Variants in ADGRA1 observed in about 807,000 individuals in gnomAD.
The protein encoded by ADGRA1 is adhesion G protein-coupled receptor A1.
Under a neutral mutation model 21.3 loss-of-function variants are expected in ADGRA1, and 12 were observed. The ratio of observed to expected loss-of-function variants is 0.56; its 90% CI spans 0.36 to 0.91. The LOEUF is 0.91. Ranked by LOEUF, ADGRA1 falls within the 40% of genes least tolerant of loss-of-function variation. The pLI is 0.01. For missense variants in ADGRA1, 790 were observed against 805.6 expected, an observed-to-expected ratio of 0.98 and a Z score of 0.23; for synonymous variants, 385 against 368.8, an observed-to-expected ratio of 1.04 and a Z score of -0.50.
intron 5 of ADGRA1, among the ~76,000 whole-genome samples, chr10:133,110,898 C>T (rs935318421): frequency 6.6e-6 from 1 of 152,186 alleles, no homozygotes; most frequent in Non-Finnish European, 1.5e-5. Flanking sequence ...GCCCTGGACA[C>T]AGGTGCTGCT....
At chr10:133,126,572 C>G (rs889794977) in intron 5 of ADGRA1, among the ~76,000 whole-genome samples, 2 of 152,180 alleles carry the variant, frequency 1.3e-5, no homozygotes, top group Non-Finnish European at 2.9e-5. Flanking sequence ...AGGCGGTGAG[C>G]AAGTGCACCC....
intron 2 of ADGRA1, among the ~76,000 whole-genome samples, chr10:133,091,800 T>C (rs1192109521): frequency 6.6e-6 from 1 of 152,010 alleles, no homozygotes; most frequent in East Asian, 1.9e-4. Context: ...AAGGACAGAG[T>C]GCCTTCGAAA....
intron 5 of ADGRA1, among the ~76,000 whole-genome samples, chr10:133,113,703 G>A (rs1251585095): frequency 2.3e-5 from 3 of 131,308 alleles, no homozygotes; most frequent in East Asian, 2.7e-4. Context: ...GCGACCTGGC[G>A]CCTGCCACTT....
chr10:133,128,349 C>T lies in ADGRA1; in HGVS notation c.521C>T (p.Pro174Leu), dbSNP rs1236966748. 6.4e-7 allele frequency: 1 copy of T among 1,555,704 alleles called. No homozygotes were observed. The highest frequency in any genetic ancestry group is 1.2e-5 in the South Asian group (1 of 82,324). ...DTAYCWMAWE[P>L]SLGAFYGPAA... The stretch of plus-strand genomic sequence containing the variant: ...CACAGCTGCTGGATGGCCTGGGAGC[C>T]CAGCCTGGGCGCCTTCTACGGCCCA... The change falls in exon 7 of 7, where the codon CCC becomes CTC. Residue 174 changes from proline (P) to leucine (L), a missense_variant. Pro to Leu is a moderately conservative substitution (Grantham distance 98). This residue lies in a region of ADGRA1 where 382 missense variants were observed against 415.6 expected (regional missense o/e 0.92). Transcript: ENST00000392607.
Position 133,129,623 on chromosome 10 carries a change from TTCACACCCCTGCCCCTTCCTTGTGA to T in ADGRA1, c.*188_*212del, listed in dbSNP as rs398015133. 4,218 of 725,000 alleles carry T rather than the reference TTCACACCCCTGCCCCTTCCTTGTGA, an allele frequency of 5.8e-3. 91 individuals carry two copies. Among genetic ancestry groups the T allele is most frequent in the East Asian group, 0.02 (726 of 36,662 alleles). 44.9% of individuals were successfully genotyped at this position (725,000 alleles called of 1,614,324 possible). A position where few individuals can be genotyped will look rare whatever the true frequency, so the allele number is the denominator to read the frequency against. Reference sequence around the variant, plus strand: ...AAGTGACCCCGCCTTTCAGAAGCCGTTCACACCCCTGCCCCTTCCTTGTGATCACACCCCTGCCCCTTCCTTGTGA... The same window carrying T: ...AAGTGACCCCGCCTTTCAGAAGCCGTTCACACCCCTGCCCCTTCCTTGTGA... On this transcript the variant is annotated 3_prime_UTR_variant, in exon 7 of 7. Transcript: ENST00000392607.
At chr10:133,103,985 C>T (rs1235704765) in intron 5 of ADGRA1, among the ~76,000 whole-genome samples, 1 of 152,200 alleles carries the variant, frequency 6.6e-6, no homozygotes, top group Non-Finnish European at 1.5e-5. Flanking sequence ...CCAGCGGTCC[C>T]AGGGGGTCTT....
At chr10:133,094,713 C>T (rs1176635271) in intron 2 of ADGRA1, among the ~76,000 whole-genome samples, 3 of 152,112 alleles carry the variant, frequency 2.0e-5, no homozygotes, top group South Asian at 2.1e-4. Context: ...AATGGCTCGT[C>T]GGAACTGTGT....
intron 4 of ADGRA1, among the ~76,000 whole-genome samples, chr10:133,101,514 T>C (rs1851794250): frequency 6.6e-6 from 1 of 152,206 alleles, no homozygotes; most frequent in Admixed American, 6.5e-5. Flanking sequence ...CTCTGCCACG[T>C]ACACCTTCTT....
In ADGRA1 at chr10:133,129,128, C is replaced by T; in HGVS notation, c.1300C>T (p.Pro434Ser). The change falls in exon 7 of 7, where the codon CCC becomes TCC. Residue 434 changes from proline (P) to serine (S), a missense_variant. By Grantham distance (74) the Pro-to-Ser change is moderately conservative. Coordinates refer to ENST00000392607, the MANE Select transcript of ADGRA1 (RefSeq NM_001083909.3). ...PYFSRHPAEE[P>S]EYAYHIPSSL... ...CTTTAGCCGGCACCCAGCAGAGGAG[C>T]CCGAGTACGCCTACCACATCCCATC... The T allele has an allele frequency of 3.2e-6, 5 of 1,553,344 alleles. No individual in the cohort carries two copies. The highest frequency in any genetic ancestry group is 4.4e-6 in the Non-Finnish European group (5 of 1,148,052).
At chr10:133,128,300 C>T (rs762117737) in intron 6 of ADGRA1, 29 bp from the exon 7 acceptor site, 6 of 1,491,632 alleles carry the variant, frequency 4.0e-6, no homozygotes, top group Non-Finnish European at 3.6e-6. Flanking sequence ...GTGCTGGCCC[C>T]GCTGACACTG....
chr10:133,126,356 A>G (rs1852373893), intron 5 of ADGRA1, among the ~76,000 whole-genome samples: 1 of 152,240 alleles, frequency 6.6e-6, no homozygotes, highest in Non-Finnish European at 1.5e-5. Context: ...GTCCCTGAGA[A>G]CTACCAGACA....
In ADGRA1 at chr10:133,098,722, G is replaced by A. The variant is rs114458014; in HGVS notation, c.214G>A (p.Gly72Ser). The change falls in exon 4 of 7, where the codon GGC (glycine) becomes AGC (serine). Residue 72 changes from glycine to serine, a missense_variant. By Grantham distance (56) the Gly-to-Ser change is moderately conservative. Around this residue, in one of 3 missense-constraint regions of ADGRA1, gnomAD observed 382 missense variants for 415.6 expected, o/e 0.92. Coordinates refer to ENST00000392607, the MANE Select transcript of ADGRA1 (RefSeq NM_001083909.3). The stretch of plus-strand genomic sequence containing the variant: ...GGCCCTGACCTTCACTGTGTTCGCC[G>A]GCGGCATCAATCGCACCAAGTACCC... ...HAALTFTVFA[G>S]GINRTKYPIL... is the part of the protein sequence containing the mutation. 6,603 of 1,611,812 alleles carry A rather than the reference G, an allele frequency of 4.1e-3. 183 individuals are homozygous for A. In the African/African-American group the frequency reaches 0.072, roughly 18 times the overall value.
intron 3 of ADGRA1, among the ~76,000 whole-genome samples, 193 bp from the exon 4 acceptor site, chr10:133,098,447 C>T (rs1564844079): frequency 6.6e-6 from 1 of 152,178 alleles, no homozygotes; most frequent in Non-Finnish European, 1.5e-5. Context: ...GCAGAACTTT[C>T]CAGTGGCCGT....
chr10:133,104,745 C>T (rs984636756), intron 5 of ADGRA1, among the ~76,000 whole-genome samples: 1 of 152,198 alleles, frequency 6.6e-6, no homozygotes, highest in South Asian at 2.1e-4. Flanking sequence ...GCCGCCCCCC[C>T]GGTGTCTGGC....
chr10:133,113,770 G>A (rs34614798), intron 5 of ADGRA1, among the ~76,000 whole-genome samples: 11 of 152,292 alleles, frequency 7.2e-5, no homozygotes, highest in East Asian at 3.9e-4. Context: ...GGAGGGAGCC[G>A]AGGGAGCTTT....
At chr10:133,121,764 G>T (rs1433817333) in intron 5 of ADGRA1, among the ~76,000 whole-genome samples, 1 of 149,134 alleles carries the variant, frequency 6.7e-6, no homozygotes, top group African/African-American at 2.5e-5. Flanking sequence ...GTGCGTGTGT[G>T]CAAGTGTGAG....
At chr10:133,093,349 C>G in intron 2 of ADGRA1, 1 of 1,453,098 alleles carries the variant, frequency 6.9e-7, no homozygotes, top group South Asian at 1.3e-5. Context: ...ACACCCTGAC[C>G]CACTTGATTT....
intron 5 of ADGRA1, among the ~76,000 whole-genome samples, chr10:133,114,186 G>A (rs1852113602): frequency 1.3e-5 from 2 of 152,220 alleles, no homozygotes; most frequent in Non-Finnish European, 2.9e-5. Context: ...CTGAGCAGGA[G>A]CAGAGGGCAC....
chr10:133,118,712 G>A (rs1469752899), intron 5 of ADGRA1, among the ~76,000 whole-genome samples: 2 of 152,140 alleles, frequency 1.3e-5, no homozygotes, highest in Non-Finnish European at 2.9e-5. Flanking sequence ...CAACACATGG[G>A]GATTATGGGA....
Sources: allele counts gnomAD v4.1 joint callset (sites outside exome capture counted in the v4.1 genomes callset), GRCh38; gene constraint gnomAD v4.1.1; regional missense constraint gnomAD v4.1.1; transcripts MANE v1.5; gene names NCBI Gene and HGNC (gene_info 2026-07-23, HGNC 2026-07-21).